ARID2: variants seen among roughly 807,000 people sequenced by gnomAD.
The protein encoded by ARID2 is AT-rich interactive domain-containing protein 2.
In ARID2, 32 loss-of-function variants were observed where a neutral mutation model predicts 184.6. The ratio of observed to expected loss-of-function variants is 0.17; its 90% CI spans 0.13 to 0.23. The LOEUF (loss-of-function observed/expected upper bound fraction) is 0.23. Among genes scored for constraint, ARID2 ranks in the 10% least tolerant of loss-of-function variants. The pLI is 1.00. For missense variants in ARID2, 1,696 were observed against 2,197.6 expected (o/e 0.77, Z 4.56); for synonymous variants, 836 against 772.6 (o/e 1.08, Z -1.36).
At chr12:45,849,488 C>T (rs1009092233) in intron 13 of ARID2, 92 bp from the exon 14 acceptor site, 20 of 995,464 alleles carry the variant, frequency 2.0e-5, no homozygotes, top group African/African-American at 3.2e-5. Flanking sequence ...ACATAAGCAA[C>T]AGTAAACATA....
At chr12:45,808,114 A>T (rs893213505) in intron 3 of ARID2, among the ~76,000 whole-genome samples, 15 of 152,332 alleles carry the variant, frequency 9.8e-5, no homozygotes, top group African/African-American at 3.6e-4. Flanking sequence ...GAGGAGAAAG[A>T]TGTGCAGTCT....
Position 45,806,258 on chromosome 12 carries a change from CT to C in ARID2, c.285-5159del, listed in dbSNP as rs1942596830. On this transcript the variant is annotated intron_variant, in intron 3 of 20. Transcript: ENST00000334344. The stretch of plus-strand genomic sequence containing the variant: ...GGTTCTGGATAGTTCTAAGAATCTT[CT>C]CTATTTTTGAAGCTTAAATCTTTGA... 2.6e-5 allele frequency among the ~76,000 whole-genome samples: 4 copies of C among 151,442 alleles called. No homozygotes were observed. The South Asian group carries it at 8.3e-4, about 32-fold the overall frequency.
chr12:45,757,480 C>T (rs1450399416), intron 3 of ARID2, among the ~76,000 whole-genome samples: 2 of 152,104 alleles, frequency 1.3e-5, no homozygotes, highest in Non-Finnish European at 2.9e-5. Context: ...AAAATGGACC[C>T]AACTGGGATA....
At chr12:45,825,078 A>G (rs1015539946) in intron 6 of ARID2, among the ~76,000 whole-genome samples, 8 of 151,958 alleles carry the variant, frequency 5.3e-5, no homozygotes, top group Admixed American at 4.6e-4. Flanking sequence ...GGTGGTTACC[A>G]GAGGCTAGGA....
chr12:45,873,362 A>G (rs148148422), intron 16 of ARID2, among the ~76,000 whole-genome samples: 95 of 152,254 alleles, frequency 6.2e-4, no homozygotes, highest in African/African-American at 2.2e-3. Context: ...CTGTAGTTGC[A>G]TTGATAGCTA....
chr12:45,830,294 A>G (rs1004011737), intron 6 of ARID2, among the ~76,000 whole-genome samples: 1 of 152,028 alleles, frequency 6.6e-6, no homozygotes, highest in Admixed American at 6.6e-5. Flanking sequence ...CTCTATTGCA[A>G]TTGCCAATCA....
At chr12:45,764,853 A>G (rs1592061991) in intron 3 of ARID2, among the ~76,000 whole-genome samples, 1 of 152,354 alleles carries the variant, frequency 6.6e-6, no homozygotes, top group Middle Eastern at 3.4e-3. Flanking sequence ...ACTTAATTTG[A>G]GTAAATACCA....
chr12:45,816,515 C>T (rs947083130), intron 4 of ARID2, among the ~76,000 whole-genome samples: 4 of 152,150 alleles, frequency 2.6e-5, no homozygotes, highest in Admixed American at 2.6e-4. Context: ...AACAGTTTCA[C>T]AGTTTGTTAC....
chr12:45,793,874 A>G (rs1256160841), intron 3 of ARID2, among the ~76,000 whole-genome samples: 5 of 148,896 alleles, frequency 3.4e-5, no homozygotes, highest in Non-Finnish European at 4.5e-5. Flanking sequence ...TATTTTTTCT[A>G]TTCTTTCCTT....
chr12:45,758,497 C>T (rs1174899902), intron 3 of ARID2, among the ~76,000 whole-genome samples: 1 of 152,150 alleles, frequency 6.6e-6, no homozygotes, highest in Non-Finnish European at 1.5e-5. Flanking sequence ...TTGAACACCC[C>T]TGCTCTACAA....
chr12:45,805,655 A>G (rs1942586257), intron 3 of ARID2, among the ~76,000 whole-genome samples: 1 of 152,144 alleles, frequency 6.6e-6, no homozygotes, highest in South Asian at 2.1e-4. Context: ...ATAAAATTGT[A>G]TGATTTTAAG....
At chr12:45,887,090 G>C (rs1404236827) in intron 16 of ARID2, among the ~76,000 whole-genome samples, 1 of 152,142 alleles carries the variant, frequency 6.6e-6, no homozygotes, top group Non-Finnish European at 1.5e-5. Context: ...TATTTGCTCA[G>C]TTGAACCAAA....
intron 3 of ARID2, among the ~76,000 whole-genome samples, chr12:45,799,114 ATTC>A (rs1234197941): frequency 6.6e-6 from 1 of 151,976 alleles, no homozygotes; most frequent in African/African-American, 2.4e-5. Flanking sequence ...GTATTTTATT[ATTC>A]TTATTGTTTG....
At chr12:45,814,443 A>G (rs1045884699) in intron 4 of ARID2, among the ~76,000 whole-genome samples, 1 of 152,182 alleles carries the variant, frequency 6.6e-6, no homozygotes, top group African/African-American at 2.4e-5. Context: ...TGAGGTCAGG[A>G]GTTTGAGACC....
chr12:45,826,671 G>A lies in ARID2; in HGVS notation c.705+5184G>A, dbSNP rs374022775. The stretch of plus-strand genomic sequence containing the variant: ...TGTTCTCAAGCAGTCCTCCTGCCTC[G>A]GCCTCCCAGAGTGCTGGGATTATAA... On this transcript the variant is annotated intron_variant, in intron 6 of 20. Coordinates refer to ENST00000334344, the MANE Select transcript of ARID2 (RefSeq NM_152641.4). Among the ~76,000 whole-genome samples, 344 of 151,934 alleles carry A rather than the reference G, an allele frequency of 2.3e-3. 12 individuals are homozygous for A. The South Asian group carries it at 0.068, about 30-fold the overall frequency.
chr12:45,869,756 G>C (rs532012879), intron 16 of ARID2, among the ~76,000 whole-genome samples: 1 of 151,840 alleles, frequency 6.6e-6, no homozygotes, highest in East Asian at 2.0e-4. Context: ...GGTGGCGGGC[G>C]ACTGTAATCC....
chr12:45,780,014 A>C (rs913046769), intron 3 of ARID2, among the ~76,000 whole-genome samples: 6 of 152,218 alleles, frequency 3.9e-5, no homozygotes, highest in Admixed American at 3.9e-4. Flanking sequence ...GATTAAAAAC[A>C]GTTTCTTACA....
At chr12:45,888,143 C>T (rs1465335069) in intron 16 of ARID2, among the ~76,000 whole-genome samples, 2 of 149,580 alleles carry the variant, frequency 1.3e-5, no homozygotes, top group East Asian at 2.0e-4. Context: ...TGCAGTGAGC[C>T]GAGATCGCGC....
chr12:45,849,996 C>A (rs1189626421), intron 14 of ARID2, 40 bp from the exon 15 acceptor site: 1 of 1,547,386 alleles, frequency 6.5e-7, no homozygotes, highest in Non-Finnish European at 8.7e-7. Flanking sequence ...GATTTTCAGT[C>A]ATTTCATTTG....
Sources: gnomAD v4.1 joint callset for allele counts (sites outside exome capture counted in the v4.1 genomes callset) on GRCh38, gnomAD v4.1.1 for gene constraint, MANE v1.5 for transcripts, NCBI Gene and HGNC (gene_info 2026-07-23, HGNC 2026-07-21) for gene names.